SEMA3A: variants seen among roughly 807,000 people sequenced by gnomAD.
The protein encoded by SEMA3A is semaphorin-3A.
A neutral mutation model predicts 97.9 loss-of-function variants in SEMA3A; 29 were observed. That is an observed-to-expected ratio of 0.30 (90% confidence interval 0.22 to 0.40). The LOEUF is 0.40. Among genes scored for constraint, SEMA3A ranks in the 10% least tolerant of loss-of-function variants. The pLI, the probability that SEMA3A is intolerant of heterozygous loss-of-function variation, is 1.00. For missense variants in SEMA3A, 763 were observed against 951.3 expected (o/e 0.80, Z 2.60); for synonymous variants, 321 against 323.7 (o/e 0.99, Z 0.09).
intron 12 of SEMA3A, among the ~76,000 whole-genome samples, chr7:84,001,045 G>T (rs1211440405): frequency 6.9e-6 from 1 of 145,600 alleles, no homozygotes; most frequent in African/African-American, 2.6e-5. Flanking sequence ...TCATTTTTCT[G>T]TCTACCAACT....
intron 2 of SEMA3A, among the ~76,000 whole-genome samples, chr7:84,332,355 C>T (rs1801928346): frequency 6.6e-6 from 1 of 151,962 alleles, no homozygotes; most frequent in Admixed American, 6.6e-5. Context: ...ATGTAATCTA[C>T]CTCTTTTTAT....
intron 6 of SEMA3A, among the ~76,000 whole-genome samples, chr7:84,038,411 A>AT (rs777409963): frequency 6.6e-6 from 1 of 152,066 alleles, no homozygotes; most frequent in African/African-American, 2.4e-5. Context: ...CATCAATTGA[A>AT]TTTTTTTATT....
chr7:84,172,531 C>T (rs1215362751), intron 1 of SEMA3A, among the ~76,000 whole-genome samples: 1 of 152,154 alleles, frequency 6.6e-6, no homozygotes, highest in African/African-American at 2.4e-5. Flanking sequence ...ACGCCATTCT[C>T]CTGCCTCAGC....
intron 4 of SEMA3A, among the ~76,000 whole-genome samples, chr7:84,107,437 C>A (rs961929849): frequency 1.3e-5 from 2 of 152,186 alleles, no homozygotes; most frequent in East Asian, 3.8e-4. Flanking sequence ...AATCATCTTA[C>A]TTCTGATCCC....
At chr7:84,304,469 C>T (rs1410426743) in intron 3 of SEMA3A, among the ~76,000 whole-genome samples, 1 of 151,926 alleles carries the variant, frequency 6.6e-6, no homozygotes, top group Non-Finnish European at 1.5e-5. Context: ...TTTACTCAAT[C>T]ATTAAAAAAG....
intron 12 of SEMA3A, among the ~76,000 whole-genome samples, chr7:83,998,234 G>T (rs1182515938): frequency 2.0e-5 from 3 of 152,060 alleles, no homozygotes; most frequent in Non-Finnish European, 4.4e-5. Context: ...AAATCATAAA[G>T]TACACTTACC....
At chr7:84,326,796 C>T (rs1801786121) in intron 2 of SEMA3A, among the ~76,000 whole-genome samples, 1 of 151,944 alleles carries the variant, frequency 6.6e-6, no homozygotes, top group African/African-American at 2.4e-5. Context: ...GGATCTCTTC[C>T]TTACATCATA....
At chr7:84,060,310 C>G (rs1562742895) in intron 5 of SEMA3A, among the ~76,000 whole-genome samples, 155 bp downstream of exon 5, 1 of 152,146 alleles carries the variant, frequency 6.6e-6, no homozygotes, top group Non-Finnish European at 1.5e-5. Flanking sequence ...TTTAGTGTTT[C>G]TTCTTCATTT....
chr7:83,986,072 T>C (rs1789623483), intron 12 of SEMA3A, among the ~76,000 whole-genome samples: 1 of 152,198 alleles, frequency 6.6e-6, no homozygotes, highest in Non-Finnish European at 1.5e-5. Flanking sequence ...TGCTTTTATC[T>C]TGATTCAGCA....
At chr7:84,274,309 G>A (rs1469327894) in intron 3 of SEMA3A, among the ~76,000 whole-genome samples, 2 of 151,856 alleles carry the variant, frequency 1.3e-5, no homozygotes, top group Non-Finnish European at 2.9e-5. Context: ...CCTTTCCTTT[G>A]GTCAGTAAAC....
intron 2 of SEMA3A, among the ~76,000 whole-genome samples, chr7:84,371,000 G>A (rs546778841): frequency 7.4e-4 from 112 of 151,288 alleles, no homozygotes; most frequent in African/African-American, 2.6e-3. Context: ...GATGGAGGGA[G>A]AGGGAGGAGG....
chr7:84,182,882 A>G (rs1186356410), intron 1 of SEMA3A, among the ~76,000 whole-genome samples: 1 of 152,174 alleles, frequency 6.6e-6, no homozygotes, highest in African/African-American at 2.4e-5. Context: ...GTTTTAAGAC[A>G]TTCATGCTAT....
intron 1 of SEMA3A, among the ~76,000 whole-genome samples, chr7:84,456,742 C>T (rs73191088): frequency 2.6e-5 from 4 of 151,764 alleles, no homozygotes; most frequent in Middle Eastern, 3.4e-3. Context: ...GCTTTATTTA[C>T]GTTTAATATC....
At chr7:84,385,914 CATTT>C (rs937565297) in intron 1 of SEMA3A, among the ~76,000 whole-genome samples, 2 of 152,142 alleles carry the variant, frequency 1.3e-5, no homozygotes, top group African/African-American at 4.8e-5. Flanking sequence ...ATTCTGAGCC[CATTT>C]CTTTCTTATT....
chr7:84,434,338 C>A (rs1468037695), intron 1 of SEMA3A, among the ~76,000 whole-genome samples: 1 of 151,880 alleles, frequency 6.6e-6, no homozygotes, highest in African/African-American at 2.4e-5. Flanking sequence ...CTAAATAGAC[C>A]AATATTGAGT....
chr7:84,325,496 AG>A (rs1025786176), intron 2 of SEMA3A, among the ~76,000 whole-genome samples: 3 of 151,958 alleles, frequency 2.0e-5, no homozygotes, highest in Non-Finnish European at 4.4e-5. Flanking sequence ...CAAAGTATAC[AG>A]GGGGAAGTAT....
At chr7:83,999,792 T>G (rs1003468458) in intron 12 of SEMA3A, among the ~76,000 whole-genome samples, 1 of 152,098 alleles carries the variant, frequency 6.6e-6, no homozygotes, top group East Asian at 1.9e-4. Flanking sequence ...TAACAATATT[T>G]TAGTGTCTCC....
chr7:84,067,413 T>C (rs1452812712), intron 4 of SEMA3A, among the ~76,000 whole-genome samples: 1 of 151,932 alleles, frequency 6.6e-6, no homozygotes, highest in Non-Finnish European at 1.5e-5. Context: ...AAAGCCAAAA[T>C]TGACAAATGG....
At chr7:84,050,653 G>A (rs1283045495) in intron 5 of SEMA3A, among the ~76,000 whole-genome samples, 3 of 152,070 alleles carry the variant, frequency 2.0e-5, no homozygotes, top group African/African-American at 7.2e-5. Context: ...CTCCCATTTT[G>A]TAGGTTGCCT....
Sources: allele counts gnomAD v4.1 joint callset (sites outside exome capture counted in the v4.1 genomes callset), GRCh38; gene constraint gnomAD v4.1.1; transcripts MANE v1.5; gene names NCBI Gene and HGNC (gene_info 2026-07-23, HGNC 2026-07-21).